The following WDHD1 variants were observed in gnomAD, a reference collection of about 807,000 sequenced individuals.
WDHD1 encodes WD repeat and HMG-box DNA binding protein 1, also known as WD repeat and HMG-box DNA-binding protein 1.
In WDHD1, 111 loss-of-function variants were observed where a neutral mutation model predicts 135.4. That is an observed-to-expected ratio of 0.82 (90% CI 0.70 to 0.96). The LOEUF (loss-of-function observed/expected upper bound fraction) is 0.96. Ranked by LOEUF, WDHD1 falls within the 40% of genes least tolerant of loss-of-function variation. WDHD1 has a pLI of 0.00. For missense variants in WDHD1, 1,351 were observed against 1,336.3 expected (o/e 1.01, Z -0.17); for synonymous variants, 434 against 439.0 (o/e 0.99, Z 0.14).
intron 16 of WDHD1, among the ~76,000 whole-genome samples, chr14:54,976,490 C>T (rs1052526785): frequency 6.6e-6 from 1 of 152,108 alleles, no homozygotes; most frequent in Non-Finnish European, 1.5e-5. Context: ...AGTCACAAAG[C>T]CTGGCCAAAA....
At chr14:55,010,191 T>A (rs2042144539) in intron 4 of WDHD1, 118 bp downstream of exon 4, 1 of 1,112,496 alleles carries the variant, frequency 9.0e-7, no homozygotes, top group African/African-American at 1.6e-5. Context: ...AAAGAATATA[T>A]GAAGAAACAA....
intron 2 of WDHD1, among the ~76,000 whole-genome samples, chr14:55,020,084 G>T (rs998324767): frequency 2.0e-5 from 3 of 152,168 alleles, no homozygotes; most frequent in African/African-American, 7.2e-5. Context: ...TGAGGCACAA[G>T]CAAAATCTCT....
intron 10 of WDHD1, among the ~76,000 whole-genome samples, chr14:54,997,867 C>G (rs755794857): frequency 6.8e-6 from 1 of 146,360 alleles, no homozygotes; most frequent in Non-Finnish European, 1.5e-5. Context: ...GCCGAGATCG[C>G]GCCATTGCAC....
chr14:55,013,697 G>T, intron 2 of WDHD1, 101 bp from the exon 3 acceptor site: 1 of 874,564 alleles, frequency 1.1e-6, no homozygotes, highest in East Asian at 2.5e-5. Flanking sequence ...CTTGAGGCCA[G>T]GAGTTCAAGA....
Position 55,010,322 on chromosome 14 carries a change from C to T in WDHD1, c.328G>A (p.Ala110Thr). ...AAAGAGCCTTACCTAGATCCAGCAG[C>T]AATTTTAGTACCATCCCCATTAAAG... ...VVFNGDGTKI[A>T]AGSSDFLVKI... is the part of the protein sequence containing the mutation. Residue 110 changes from alanine to threonine, a missense_variant, in exon 4 of 26, where the codon GCT becomes ACT. By Grantham distance (58) the Ala-to-Thr change is moderately conservative. Around this residue, in one of 2 missense-constraint regions of WDHD1, gnomAD observed 1,330 missense variants for 1,296.1 expected, o/e 1.03. Transcript: ENST00000360586. 6.3e-7 allele frequency: 1 copy of T among 1,599,412 alleles called. No homozygotes were observed. The highest frequency in any genetic ancestry group is 8.5e-7 in the Non-Finnish European group (1 of 1,174,834).
intron 18 of WDHD1, among the ~76,000 whole-genome samples, chr14:54,964,077 T>TA (rs1488911026): frequency 6.6e-6 from 1 of 152,112 alleles, no homozygotes; most frequent in Admixed American, 6.5e-5. Context: ...CACTGTACTC[T>TA]AGCCTGGGTA....
In WDHD1 at chr14:54,976,423, C is replaced by A. The variant is rs140777365; in HGVS notation, c.2063+5117G>T. On this transcript the variant is annotated intron_variant, in intron 16 of 25. Coordinates refer to ENST00000360586, the MANE Select transcript of WDHD1 (RefSeq NM_007086.4). ...TGTTGCCCAGGCTAGCCTCAAACTC[C>A]TGGCCTCAAGTGATCCCCATGCTTT... Among the ~76,000 whole-genome samples the A allele has an allele frequency of 5.3e-3, 809 of 152,274 alleles. 10 individuals are homozygous for A. The highest frequency in any genetic ancestry group is 0.018 in the African/African-American group (765 of 41,556).
Position 54,941,575 on chromosome 14 carries a change from T to A in WDHD1, c.3305A>T (p.Glu1102Val), listed in dbSNP as rs1336268583. 1 of 1,614,058 alleles carries A rather than the reference T, an allele frequency of 6.2e-7. No individual in the cohort carries two copies. Among genetic ancestry groups the A allele is most frequent in the Non-Finnish European group, 8.5e-7 (1 of 1,179,958 alleles). The change falls in exon 26 of 26, where the codon GAG becomes GTG. Residue 1102 changes from glutamate (E) to valine (V), a missense_variant. By Grantham distance (121) the Glu-to-Val change is moderately radical. This residue lies in a region of WDHD1 where 1,330 missense variants were observed against 1,296.1 expected (regional missense o/e 1.03). Coordinates refer to ENST00000360586, the MANE Select transcript of WDHD1 (RefSeq NM_007086.4). ...CTGCTTTTTAGACAAATTCAGGTTC[T>A]CTTTTGCTTTTTCTTCCTGGTTTTC... The part of the protein sequence containing the change: ...ETENQEEKAK[E>V]NLNLSKKQKP...
At chr14:54,982,808 T>C (rs1007918789) in intron 15 of WDHD1, among the ~76,000 whole-genome samples, 11 of 152,162 alleles carry the variant, frequency 7.2e-5, no homozygotes, top group Non-Finnish European at 1.5e-4. Context: ...ATGAAGAACA[T>C]GAATCTCCAA....
intron 11 of WDHD1, among the ~76,000 whole-genome samples, chr14:54,994,819 T>C (rs767534567): frequency 6.6e-6 from 1 of 152,004 alleles, no homozygotes; most frequent in Non-Finnish European, 1.5e-5. Context: ...ACTAACCACA[T>C]TTCAAGTGCT....
At position 54,941,545 on chromosome 14, in the gene WDHD1, G is replaced by T. The variant is rs1472107960; in HGVS notation, c.3335C>A (p.Pro1112His). ...ENLNLSKKQKPLDFSTNQKLS... is the reference protein window; with the variant it reads ...ENLNLSKKQKHLDFSTNQKLS... ...TTTCTGATTTGTAGAAAAATCTAAA[G>T]GTTTCTGCTTTTTAGACAAATTCAG... Residue 1112 changes from proline (P) to histidine (H), a missense_variant, in exon 26 of 26, where the codon CCT becomes CAT. This residue lies in a region of WDHD1 where 1,330 missense variants were observed against 1,296.1 expected (regional missense o/e 1.03). Transcript: ENST00000360586. 2 of 1,613,688 alleles carry T rather than the reference G, an allele frequency of 1.2e-6. No homozygotes were observed. Among genetic ancestry groups the T allele is most frequent in the Admixed American group, 3.3e-5 (2 of 59,978 alleles).
intron 21 of WDHD1, among the ~76,000 whole-genome samples, chr14:54,958,852 T>C (rs560432479): frequency 1.2e-4 from 19 of 152,228 alleles, no homozygotes; most frequent in African/African-American, 2.9e-4. Flanking sequence ...CCCATGCTCA[T>C]GGTTTAAATT....
In WDHD1 at chr14:54,941,706, G is replaced by A. The variant is rs377336516; in HGVS notation, c.3190-16C>T. The A allele has an allele frequency of 2.2e-5, 35 of 1,581,214 alleles. No homozygotes were observed. The African/African-American group carries it at 4.0e-4, about 18-fold the overall frequency. ...TAGCCCACACCTTTGTAAAATGGCAGGAGTGAAAAGGAAAGATTTTTAGAA... is the reference window on the plus strand; with the variant it reads ...TAGCCCACACCTTTGTAAAATGGCAAGAGTGAAAAGGAAAGATTTTTAGAA... On this transcript the variant is annotated splice_polypyrimidine_tract_variant and intron_variant, in intron 25 of 25. Coordinates refer to ENST00000360586, the MANE Select transcript of WDHD1 (RefSeq NM_007086.4).
intron 21 of WDHD1, among the ~76,000 whole-genome samples, chr14:54,961,840 CTT>C (rs548999730): frequency 9.8e-5 from 14 of 143,112 alleles, no homozygotes; most frequent in Non-Finnish European, 1.2e-4. Flanking sequence ...TTTTCAACTC[CTT>C]TTTTTTTTTT....
intron 10 of WDHD1, among the ~76,000 whole-genome samples, chr14:54,996,632 G>C (rs2140209109): frequency 6.6e-6 from 1 of 152,182 alleles, no homozygotes; most frequent in South Asian, 2.1e-4. Context: ...ATTTCAAAAA[G>C]TGAAATGGTA....
chr14:55,007,433 G>T, intron 6 of WDHD1, 58 bp from the exon 7 acceptor site: 6 of 1,219,260 alleles, frequency 4.9e-6, no homozygotes, highest in Non-Finnish European at 7.0e-6. Flanking sequence ...CAAAATATAT[G>T]CAGAACTGAA....
chr14:54,966,316 C>T (rs186197841), intron 18 of WDHD1, among the ~76,000 whole-genome samples, 159 bp downstream of exon 18: 137 of 150,316 alleles, frequency 9.1e-4, no homozygotes, highest in Non-Finnish European at 2.8e-4. Context: ...GCCTGGGTGA[C>T]AGAACGAGAC....
chr14:54,947,734 G>C (rs2040953237), intron 24 of WDHD1, among the ~76,000 whole-genome samples: 1 of 151,816 alleles, frequency 6.6e-6, no homozygotes, highest in Non-Finnish European at 1.5e-5. Context: ...TGGGATTACA[G>C]GCATGAGCCA....
intron 22 of WDHD1, 137 bp downstream of exon 22, chr14:54,957,455 G>C: frequency 2.3e-6 from 2 of 880,684 alleles, no homozygotes; most frequent in South Asian, 2.0e-5. Context: ...CTCAGCCCAA[G>C]TGCTGCTTTC....
Sources: gnomAD v4.1 joint callset for allele counts (sites outside exome capture counted in the v4.1 genomes callset) on GRCh38, gnomAD v4.1.1 for gene constraint, gnomAD v4.1.1 regional missense constraint, MANE v1.5 for transcripts, NCBI Gene and HGNC (gene_info 2026-07-23, HGNC 2026-07-21) for gene names.